GPATCH8: variants seen among roughly 807,000 people sequenced by gnomAD.
GPATCH8 encodes G patch domain-containing protein 8.
Under a neutral mutation model 118.3 loss-of-function variants are expected in GPATCH8, and 18 were observed. The observed-to-expected ratio is 0.15, with a 90% CI of 0.11 to 0.23. The LOEUF is 0.23. GPATCH8 is among the 10% of genes least tolerant of loss of function. The pLI is 1.00. For missense variants in GPATCH8, 1,631 were observed against 1,873.8 expected (o/e 0.87, Z 2.39); for synonymous variants, 659 against 684.7 (o/e 0.96, Z 0.59).
intron 6 of GPATCH8, among the ~76,000 whole-genome samples, chr17:44,423,843 A>C (rs1248881545): frequency 1.3e-5 from 2 of 152,190 alleles, no homozygotes; most frequent in Non-Finnish European, 2.9e-5. Flanking sequence ...TTTTTTGTTA[A>C]AGTTAAGATA....
chr17:44,489,337 C>T (rs75921220), intron 1 of GPATCH8, among the ~76,000 whole-genome samples: 5,901 of 151,444 alleles, frequency 0.039, 166 homozygotes, highest in Non-Finnish European at 0.058. Flanking sequence ...TTTGTCCCCA[C>T]CCCCTCTTTT....
At chr17:44,437,738 AC>A (rs1307375810) in intron 3 of GPATCH8, among the ~76,000 whole-genome samples, 3 of 152,044 alleles carry the variant, frequency 2.0e-5, no homozygotes, top group Non-Finnish European at 2.9e-5. Flanking sequence ...CATGTTCAAA[AC>A]GACCACAACC....
intron 5 of GPATCH8, among the ~76,000 whole-genome samples, chr17:44,430,791 C>A (rs1288484354): frequency 6.7e-6 from 1 of 148,400 alleles, no homozygotes; most frequent in South Asian, 2.2e-4. Flanking sequence ...TACAGGCACA[C>A]AACACCACGC....
rs1157048818 is a variant in GPATCH8, at chr17:44,436,029, CAAAAAAAAAAAAA to C, written c.261+436_261+448del. On this transcript the variant is annotated intron_variant, in intron 4 of 7. Transcript: ENST00000591680. The stretch of plus-strand genomic sequence containing the variant: ...GGGCAACAAGAGCGAAACTCCATCT[CAAAAAAAAAAAAA>C]AAAAAAAAAAAAGGAATTAGGAGTC... Among the ~76,000 whole-genome samples, 3 of 41,832 alleles carry C rather than the reference CAAAAAAAAAAAAA, an allele frequency of 7.2e-5. No individual in the cohort carries two copies. In the East Asian group the frequency reaches 3.0e-3, roughly 41 times the overall value. The allele number at this position is 41,832 out of a possible 152,430, so 27.4% of individuals were successfully genotyped here.
rs200542328 is a variant in GPATCH8 at position 44,399,219 on chromosome 17, C to T, written c.2858G>A (p.Arg953His). ...GCGGCTGCGGCCCCGGGATCTTGAG[C>T]GCTCTCTGGTATGACTCCGAGATCG... ...RSRSRSHTRE[R>H]SRSRGRSRSS... The change falls in exon 8 of 8, where the codon CGC becomes CAC. Residue 953 changes from arginine to histidine, a missense_variant. Arg to His is a conservative substitution (Grantham distance 29). Around this residue, in one of 8 missense-constraint regions of GPATCH8, gnomAD observed 922 missense variants for 879.7 expected, o/e 1.05. Transcript: ENST00000591680. The T allele has an allele frequency of 1.8e-4, 298 of 1,613,738 alleles. 1 individual carries two copies. Among genetic ancestry groups the T allele is most frequent in the Middle Eastern group, 6.6e-4 (4 of 6,084 alleles).
intron 5 of GPATCH8, among the ~76,000 whole-genome samples, chr17:44,426,943 G>T (rs1474581384): frequency 1.3e-5 from 2 of 151,502 alleles, no homozygotes; most frequent in Non-Finnish European, 2.9e-5. Flanking sequence ...TCTAAGGAAA[G>T]AATTAACTTA....
intron 6 of GPATCH8, among the ~76,000 whole-genome samples, chr17:44,419,805 C>A (rs1289013596): frequency 6.6e-6 from 1 of 152,126 alleles, no homozygotes; most frequent in Non-Finnish European, 1.5e-5. Flanking sequence ...GGATTATAGG[C>A]ATGAGCCACT....
In GPATCH8 at chr17:44,458,607, G is replaced by A. The variant is rs532000123; in HGVS notation, c.193+5865C>T. Among the ~76,000 whole-genome samples, 260 of 152,124 alleles carry A rather than the reference G, an allele frequency of 1.7e-3. 2 individuals are homozygous for A. Among genetic ancestry groups the A allele is most frequent in the Non-Finnish European group, 2.6e-3 (178 of 67,982 alleles). On this transcript the variant is annotated intron_variant, in intron 3 of 7. Transcript: ENST00000591680. ...CACAATCACAGCTCACTGCAACTTC[G>A]AACTCCTGGAGTCAAGGGATCCTCC... is the stretch of plus-strand genomic sequence containing the variant.
intron 1 of GPATCH8, among the ~76,000 whole-genome samples, chr17:44,479,778 C>G (rs542414687): frequency 4.3e-4 from 65 of 151,928 alleles, no homozygotes; most frequent in Non-Finnish European, 6.5e-4. Context: ...ACCAGCCTGA[C>G]CAACATGGTG....
intron 1 of GPATCH8, among the ~76,000 whole-genome samples, chr17:44,479,558 T>C (rs1968045504): frequency 6.6e-6 from 1 of 152,132 alleles, no homozygotes; most frequent in Non-Finnish European, 1.5e-5. Flanking sequence ...CAGACCTAAA[T>C]GTAAAACTGA....
chr17:44,414,001 A>G (rs1250463577), intron 6 of GPATCH8, among the ~76,000 whole-genome samples: 1 of 151,588 alleles, frequency 6.6e-6, no homozygotes, highest in African/African-American at 2.4e-5. Flanking sequence ...GAATTCAGCA[A>G]AACTCCTTAA....
intron 3 of GPATCH8, among the ~76,000 whole-genome samples, chr17:44,446,513 C>T (rs1392190505): frequency 1.3e-5 from 2 of 152,056 alleles, no homozygotes; most frequent in East Asian, 3.9e-4. Context: ...TGCAGTGAAG[C>T]CGAGTTCACA....
intron 2 of GPATCH8, among the ~76,000 whole-genome samples, chr17:44,470,541 G>C (rs1038576557): frequency 7.8e-5 from 11 of 140,194 alleles, no homozygotes; most frequent in African/African-American, 3.0e-4. Context: ...CTGTCACCCA[G>C]GCTGGAGTAC....
intron 7 of GPATCH8, among the ~76,000 whole-genome samples, chr17:44,402,784 G>GT (rs2049077604): frequency 6.6e-6 from 1 of 152,148 alleles, no homozygotes; most frequent in Non-Finnish European, 1.5e-5. Flanking sequence ...CCTGGGTACC[G>GT]TAACAAGCAT....
chr17:44,482,077 C>T (rs190883064), intron 1 of GPATCH8, among the ~76,000 whole-genome samples: 149 of 152,058 alleles, frequency 9.8e-4, no homozygotes, highest in Admixed American at 1.7e-3. Context: ...GCCAAGGTGT[C>T]GCCACTGCAC....
intron 1 of GPATCH8, among the ~76,000 whole-genome samples, chr17:44,498,584 A>T (rs1358087115): frequency 6.6e-6 from 1 of 152,176 alleles, no homozygotes; most frequent in Non-Finnish European, 1.5e-5. Flanking sequence ...ATCATTTTGC[A>T]TTTGCTAACA....
At chr17:44,432,055 T>G (rs974563517) in intron 5 of GPATCH8, among the ~76,000 whole-genome samples, 3 of 151,714 alleles carry the variant, frequency 2.0e-5, no homozygotes, top group Admixed American at 2.0e-4. Context: ...GGGTTTTTTT[T>G]TTTTTTTTTT....
At chr17:44,434,889 T>C (rs1441037197) in intron 5 of GPATCH8, among the ~76,000 whole-genome samples, 176 bp downstream of exon 5, 6 of 152,226 alleles carry the variant, frequency 3.9e-5, no homozygotes, top group Non-Finnish European at 7.3e-5. Context: ...ATTATCTCTA[T>C]AGTTTATACA....
chr17:44,498,526 T>C (rs534072367), intron 1 of GPATCH8, among the ~76,000 whole-genome samples: 15 of 152,328 alleles, frequency 9.8e-5, no homozygotes, highest in Admixed American at 8.5e-4. Flanking sequence ...ATGCTGACTT[T>C]ACTTTGGTCA....
Sources: gnomAD v4.1 joint callset for allele counts (sites outside exome capture counted in the v4.1 genomes callset) on GRCh38, gnomAD v4.1.1 for gene constraint, gnomAD v4.1.1 regional missense constraint, MANE v1.5 for transcripts, NCBI Gene and HGNC (gene_info 2026-07-23, HGNC 2026-07-21) for gene names.